Variants in PDE3B observed in about 807,000 individuals in gnomAD.
PDE3B encodes the protein cGMP-inhibited 3',5'-cyclic phosphodiesterase 3B.
In PDE3B, 66 loss-of-function variants were observed where a neutral mutation model predicts 116.8. That is an observed-to-expected ratio of 0.56 (90% CI 0.46 to 0.69). The LOEUF (loss-of-function observed/expected upper bound fraction) is 0.69. Among genes scored for constraint, PDE3B ranks in the 30% least tolerant of loss-of-function variants. The pLI is 0.00. For synonymous variants in PDE3B, 595 were observed against 533.6 expected (o/e 1.12, Z -1.59); for missense variants, 1,384 against 1,368.1 (o/e 1.01, Z -0.18).
At chr11:14,872,683 T>A (rs989887684), downstream of PDE3B, among the ~76,000 whole-genome samples, 2 of 152,178 alleles carry the variant, frequency 1.3e-5, no homozygotes, top group Admixed American at 6.5e-5. Flanking sequence ...ATGTGGGGGA[T>A]TGGTTCTAGG....
intron 7 of PDE3B, among the ~76,000 whole-genome samples, chr11:14,823,042 C>T (rs928061764): frequency 1.3e-5 from 2 of 152,088 alleles, no homozygotes; most frequent in Non-Finnish European, 2.9e-5. Flanking sequence ...GGCAGGACCT[C>T]CCAACCAAGG....
chr11:14,855,538 C>T (rs1847833362), intron 12 of PDE3B, among the ~76,000 whole-genome samples: 1 of 152,110 alleles, frequency 6.6e-6, no homozygotes, highest in African/African-American at 2.4e-5. Context: ...GGGATAGGCA[C>T]TATTTAGGCA....
intron 4 of PDE3B, among the ~76,000 whole-genome samples, chr11:14,793,935 G>A (rs1415888480): frequency 6.6e-6 from 1 of 152,136 alleles, no homozygotes; most frequent in Non-Finnish European, 1.5e-5. Context: ...ATCCTACTCA[G>A]CTTCTTAAGA....
rs181913390 is a variant in PDE3B, at chr11:14,790,747, G to A, written c.1415+1505G>A. 7.9e-5 allele frequency among the ~76,000 whole-genome samples: 12 copies of A among 152,226 alleles called. No homozygotes were observed. In the East Asian group the frequency reaches 2.1e-3, roughly 27 times the overall value. ...AGAATAAATTAATTGGTGGTATTATGTACGTCTATTTTAAAGAGACCAGGC... is the reference window on the plus strand; with the variant it reads ...AGAATAAATTAATTGGTGGTATTATATACGTCTATTTTAAAGAGACCAGGC... On this transcript the variant is annotated intron_variant, in intron 4 of 15. Coordinates refer to ENST00000282096, the MANE Select transcript of PDE3B (RefSeq NM_000922.4).
At chr11:14,734,657 A>T (rs1365726408) in intron 1 of PDE3B, among the ~76,000 whole-genome samples, 1 of 152,222 alleles carries the variant, frequency 6.6e-6, no homozygotes, top group African/African-American at 2.4e-5. Flanking sequence ...GGAATATGTC[A>T]TATAATTCTA....
the PDE3B span, chr11:14,891,050 G>A: frequency 3.0e-6 from 3 of 985,400 alleles, no homozygotes; most frequent in Non-Finnish European, 3.6e-6. Context: ...CTAGCGTCAG[G>A]CCTGTAGTTG....
chr11:14,660,017 A>G (rs552863680), intron 1 of PDE3B, among the ~76,000 whole-genome samples: 11 of 152,312 alleles, frequency 7.2e-5, no homozygotes, highest in South Asian at 2.1e-4. Context: ...CACATTCCAT[A>G]AAAGGTTCTC....
the PDE3B span, chr11:14,891,665 C>T: frequency 8.6e-7 from 1 of 1,166,172 alleles, no homozygotes; most frequent in Non-Finnish European, 1.1e-6. Context: ...GAAGTGGCGG[C>T]GCGGCTGGCG....
chr11:14,675,211 G>C, intron 1 of PDE3B, among the ~76,000 whole-genome samples: 1 of 152,124 alleles, frequency 6.6e-6, no homozygotes, highest in East Asian at 1.9e-4. Flanking sequence ...CTGTTTTCAG[G>C]ACTGTCTCCT....
chr11:14,651,253 T>A (rs1447589851), intron 1 of PDE3B, among the ~76,000 whole-genome samples: 1 of 152,250 alleles, frequency 6.6e-6, no homozygotes, highest in Non-Finnish European at 1.5e-5. Context: ...TCTCCCTGTA[T>A]GTTCACATAG....
chr11:14,785,955 A>T (rs1858178390), intron 2 of PDE3B, among the ~76,000 whole-genome samples: 1 of 152,090 alleles, frequency 6.6e-6, no homozygotes, highest in African/African-American at 2.4e-5. Context: ...AGCCCATAAT[A>T]AGGTAGACAT....
intron 1 of PDE3B, among the ~76,000 whole-genome samples, chr11:14,725,916 C>T (rs1856293431): frequency 6.6e-6 from 1 of 151,976 alleles, no homozygotes; most frequent in Admixed American, 6.6e-5. Context: ...CCTATAATAT[C>T]GACACAGTTT....
chr11:14,884,377 TG>T, the PDE3B span, among the ~76,000 whole-genome samples: 1 of 152,168 alleles, frequency 6.6e-6, no homozygotes, highest in East Asian at 2.0e-4. Context: ...TCATGTCCTT[TG>T]TTAGGGACAT....
chr11:14,774,643 A>G (rs1473619130), intron 2 of PDE3B: 6 of 152,214 alleles, frequency 3.9e-5, no homozygotes, highest in African/African-American at 1.2e-4. Flanking sequence ...CTGTTCAACA[A>G]TCAAGATTTT....
chr11:14,663,566 A>C (rs555523322), intron 1 of PDE3B, among the ~76,000 whole-genome samples: 3 of 152,286 alleles, frequency 2.0e-5, no homozygotes, highest in African/African-American at 7.2e-5. Context: ...AATAAAAGGA[A>C]GGAGGAAGAT....
At chr11:14,875,524 C>T (rs777916870), downstream of PDE3B, among the ~76,000 whole-genome samples, 8 of 152,110 alleles carry the variant, frequency 5.3e-5, no homozygotes, top group Non-Finnish European at 8.8e-5. Context: ...ATCCCTATTG[C>T]GTAGATCCAA....
chr11:14,806,085 G>A lies in PDE3B; in HGVS notation c.1522+2035G>A, dbSNP rs548538648. 1.8e-4 allele frequency among the ~76,000 whole-genome samples: 27 copies of A among 152,278 alleles called. No individual in the cohort carries two copies. The South Asian group carries it at 5.2e-3, about 29-fold the overall frequency. ...CAACCAGTGTGGAAGACAGTGTGGCGATTCCTCAAGGATCTAGAACAAGAA... is the reference window on the plus strand; with the variant it reads ...CAACCAGTGTGGAAGACAGTGTGGCAATTCCTCAAGGATCTAGAACAAGAA... On this transcript the variant is annotated intron_variant, in intron 5 of 15. Coordinates refer to ENST00000282096, the MANE Select transcript of PDE3B (RefSeq NM_000922.4).
Position 14,644,661 on chromosome 11 carries a change from A to G in PDE3B, c.586A>G (p.Arg196Gly), listed in dbSNP as rs966509852. 1.3e-6 allele frequency: 2 copies of G among 1,498,958 alleles called. No individual in the cohort carries two copies. Among genetic ancestry groups the G allele is most frequent in the Non-Finnish European group, 1.8e-6 (2 of 1,127,956 alleles). 92.9% of individuals were successfully genotyped at this position (1,498,958 alleles called of 1,614,324 possible). ...CACGCCCCCGGAGGCGGCAGCGGGCAGGTTGCTGCTGGTGCTGAGCTGCGT... is the reference window on the plus strand; with the variant it reads ...CACGCCCCCGGAGGCGGCAGCGGGCGGGTTGCTGCTGGTGCTGAGCTGCGT... ...PHTPPEAAAG[R>G]LLLVLSCVGL... Residue 196 changes from arginine (R) to glycine (G), a missense_variant, in exon 1 of 16, where the codon AGG becomes GGG. Physicochemically the swap from Arg to Gly is moderately radical, Grantham distance 125. Coordinates refer to ENST00000282096, the MANE Select transcript of PDE3B (RefSeq NM_000922.4).
chr11:14,826,094 A>G (rs1239374208), intron 7 of PDE3B, among the ~76,000 whole-genome samples: 3 of 152,216 alleles, frequency 2.0e-5, no homozygotes, highest in Non-Finnish European at 4.4e-5. Flanking sequence ...TACAACCTAC[A>G]AAATCTCTGG....
Sources: gnomAD v4.1 joint callset for allele counts (sites outside exome capture counted in the v4.1 genomes callset) on GRCh38, gnomAD v4.1.1 for gene constraint, MANE v1.5 for transcripts, NCBI Gene and HGNC (gene_info 2026-07-23, HGNC 2026-07-21) for gene names.